The following E2F2 variants were observed in gnomAD, a reference collection of about 807,000 sequenced individuals.
E2F2 encodes transcription factor E2F2.
In E2F2, 22 loss-of-function variants were observed where a neutral mutation model predicts 42.2. The observed-to-expected ratio is 0.52, with a 90% CI of 0.37 to 0.74. The LOEUF is 0.74. Ranked by LOEUF, E2F2 falls within the 30% of genes least tolerant of loss-of-function variation. The pLI, the probability that E2F2 is intolerant of heterozygous loss-of-function variation, is 0.00. For missense variants in E2F2, 481 were observed against 557.8 expected (o/e 0.86, Z 1.39); for synonymous variants, 248 against 251.6 (o/e 0.99, Z 0.13).
chr1:23,512,637 A>C (rs1350056745), intron 6 of E2F2, among the ~76,000 whole-genome samples: 5 of 152,082 alleles, frequency 3.3e-5, no homozygotes, highest in Non-Finnish European at 7.4e-5. Context: ...TAACTGATAA[A>C]ACACATGTGA....
At chr1:23,526,490 G>C (rs993495893) in intron 1 of E2F2, among the ~76,000 whole-genome samples, 2 of 152,100 alleles carry the variant, frequency 1.3e-5, no homozygotes, top group African/African-American at 2.4e-5. Context: ...CTGAGGCAGA[G>C]GTGGGGCAGC....
rs1249247125 is a variant in E2F2 at position 23,521,944 on chromosome 1, C to T, written c.471G>A (p.Trp157Ter). 6.2e-7 allele frequency: 1 copy of T among 1,614,170 alleles called. No homozygotes were observed. The highest frequency in any genetic ancestry group is 8.5e-7 in the Non-Finnish European group (1 of 1,180,026). Residue 157 changes from tryptophan to a stop codon, truncating the protein, a stop_gained, in exon 3 of 7, where the codon TGG becomes TGA. Transcript: ENST00000361729. LOFTEE classifies it high-confidence loss of function. ...TCTGCACGTCCAGCACCTCAGCGGC[C>T]CAGTTCAGGTCCAGGACCCCATCCT... ...ESEDGVLDLN[W>*]AAEVLDVQKR...
In E2F2 at chr1:23,524,349, A is replaced by G. The variant is rs758069924; in HGVS notation, c.358+34T>C. ...GGGCACTGCCCTCTGCCCCTGCCCC[A>G]CCCCACCCCAGAGGCCCCATCAGCA... is the stretch of plus-strand genomic sequence containing the variant. On this transcript the variant is annotated intron_variant, in intron 2 of 6. Coordinates refer to ENST00000361729, the MANE Select transcript of E2F2 (RefSeq NM_004091.4). The G allele has an allele frequency of 1.3e-5, 14 of 1,098,364 alleles. No individual in the cohort carries two copies. The African/African-American group carries it at 2.1e-4, about 17-fold the overall frequency. The allele number at this position is 1,098,364 out of a possible 1,614,324, so 68.0% of individuals were successfully genotyped here.
intron 6 of E2F2, among the ~76,000 whole-genome samples, chr1:23,513,852 G>A (rs971138620): frequency 2.0e-5 from 3 of 151,876 alleles, no homozygotes; most frequent in African/African-American, 4.8e-5. Context: ...GGCTGGGCTC[G>A]GTGGCTCACA....
intron 5 of E2F2, among the ~76,000 whole-genome samples, chr1:23,517,402 T>C (rs1438762637): frequency 6.6e-6 from 1 of 152,186 alleles, no homozygotes; most frequent in African/African-American, 2.4e-5. Flanking sequence ...CTAGTTTAAC[T>C]GTCCCCACCT....
Position 23,506,505 on chromosome 1 carries a change from G to A in E2F2, c.*3375C>T, listed in dbSNP as rs1209033145. ...GCTTACATGGTGCTCATAAAGACAC[G>A]ACCAGGCGAAACCAGGCCGGCAGGA... On this transcript the variant is annotated 3_prime_UTR_variant, in exon 7 of 7. Coordinates refer to ENST00000361729, the MANE Select transcript of E2F2 (RefSeq NM_004091.4). 1 of 152,146 alleles carries A rather than the reference G, an allele frequency of 6.6e-6. No homozygotes were observed. The highest frequency in any genetic ancestry group is 2.4e-5 in the African/African-American group (1 of 41,416). The allele number at this position is 152,146 out of a possible 1,614,324, so 9.4% of individuals were successfully genotyped here.
rs1028961111 is a variant in E2F2 at position 23,530,847 on chromosome 1, C to G, written c.-54G>C. 7 of 1,425,942 alleles carry G rather than the reference C, an allele frequency of 4.9e-6. No individual in the cohort carries two copies. Among genetic ancestry groups the G allele is most frequent in the Non-Finnish European group, 5.5e-6 (6 of 1,091,296 alleles). The allele number at this position is 1,425,942 out of a possible 1,614,324, so 88.3% of individuals were successfully genotyped here. A position where few individuals can be genotyped will look rare whatever the true frequency, so the allele number is the denominator to read the frequency against. On this transcript the variant is annotated 5_prime_UTR_variant, in exon 1 of 7. Transcript: ENST00000361729. This position sits in a 1 kb window ranked among gnomAD's most constrained non-coding sequence, Gnocchi z 4.4. Reference sequence around the variant, plus strand: ...GGCTTGGCGCGCCCGCGGACACCTGCGGGTTCCGGTGCTGCCGCCTTTCAC... The same window carrying G: ...GGCTTGGCGCGCCCGCGGACACCTGGGGGTTCCGGTGCTGCCGCCTTTCAC...
intron 1 of E2F2, among the ~76,000 whole-genome samples, chr1:23,529,644 G>T (rs146651796): frequency 6.6e-6 from 1 of 152,174 alleles, no homozygotes; most frequent in South Asian, 2.1e-4. Context: ...GTGCACACAC[G>T]CATTGTGAAG....
intron 1 of E2F2, among the ~76,000 whole-genome samples, chr1:23,529,669 G>A (rs911515562): frequency 2.0e-5 from 3 of 152,198 alleles, no homozygotes; most frequent in Non-Finnish European, 2.9e-5. Context: ...GAACACTGAA[G>A]CCCAGACTGG....
intron 5 of E2F2, 68 bp from the exon 6 acceptor site, chr1:23,516,595 C>G: frequency 7.5e-7 from 1 of 1,325,894 alleles, no homozygotes; most frequent in Non-Finnish European, 1.0e-6. Context: ...TGTGTATGGA[C>G]AGACGCACGT....
chr1:23,515,909 C>T (rs1480401254), intron 6 of E2F2, among the ~76,000 whole-genome samples: 27 of 152,090 alleles, frequency 1.8e-4, no homozygotes, highest in Admixed American at 1.8e-3. Flanking sequence ...CCTATGTTGC[C>T]CGGGCTGCTC....
At position 23,507,951 on chromosome 1, in the gene E2F2, G is replaced by C. The variant is rs1642833308; in HGVS notation, c.*1929C>G. The stretch of plus-strand genomic sequence containing the variant: ...CTTCAGAGATGGCACATGGCTAAAT[G>C]GCAGCCCAGTGGAGACCTCAGAGCA... On this transcript the variant is annotated 3_prime_UTR_variant, in exon 7 of 7. Coordinates refer to ENST00000361729, the MANE Select transcript of E2F2 (RefSeq NM_004091.4). The C allele has an allele frequency of 6.6e-6, 1 of 152,262 alleles. No homozygotes were observed. The highest frequency in any genetic ancestry group is 2.4e-5 in the African/African-American group (1 of 41,462). The allele number at this position is 152,262 out of a possible 1,614,324, so 9.4% of individuals were successfully genotyped here.
downstream of E2F2, among the ~76,000 whole-genome samples, chr1:23,506,040 C>T (rs1642789200): frequency 6.6e-6 from 1 of 152,130 alleles, no homozygotes; most frequent in African/African-American, 2.4e-5. Flanking sequence ...TCAAGTGATC[C>T]ACCGCACCCA....
At chr1:23,519,275 A>T (rs536762510) in intron 4 of E2F2, 145 bp from the exon 5 acceptor site, 1 of 526,496 alleles carries the variant, frequency 1.9e-6, no homozygotes, top group Admixed American at 3.6e-5. Flanking sequence ...ACAATCTGTA[A>T]CCTGTTAATC....
intron 6 of E2F2, among the ~76,000 whole-genome samples, chr1:23,515,225 G>A (rs532203131): frequency 6.6e-6 from 1 of 152,378 alleles, no homozygotes; most frequent in East Asian, 1.9e-4. Flanking sequence ...CCAGGAAAAG[G>A]CAAAAACTGT....
rs899374347 is a variant in E2F2 at position 23,519,061 on chromosome 1, G to T, written c.807C>A (p.Val269=). ...GNFKEQTVIA[V]KAPPQTRLEV... ...CCAGTCTCGTCTGCGGAGGGGCCTTGACGGCAATCACTGTCTGCTCCTTAA... is the reference window on the plus strand; with the variant it reads ...CCAGTCTCGTCTGCGGAGGGGCCTTTACGGCAATCACTGTCTGCTCCTTAA... The change falls in exon 5 of 7, where the codon GTC becomes GTA. Residue 269 remains valine (V), a synonymous_variant. Transcript: ENST00000361729. 3 of 1,613,872 alleles carry T rather than the reference G, an allele frequency of 1.9e-6. No homozygotes were observed. The African/African-American group carries it at 4.0e-5, about 22-fold the overall frequency.
chr1:23,521,250 ACAAGT>A (rs1643139813), intron 3 of E2F2, among the ~76,000 whole-genome samples, 179 bp from the exon 4 acceptor site: 1 of 152,088 alleles, frequency 6.6e-6, no homozygotes, highest in Non-Finnish European at 1.5e-5. Context: ...GGGAGAAAAA[ACAAGT>A]CAAGACCTGA....
chr1:23,524,274 G>A lies in E2F2; in HGVS notation c.358+109C>T. On this transcript the variant is annotated intron_variant, in intron 2 of 6. Coordinates refer to ENST00000361729, the MANE Select transcript of E2F2 (RefSeq NM_004091.4). ...GATCAAATAATAAAATACGCAGGAA[G>A]CTTTTGTAAACTGGAAAGTGATCCA... 8.1e-6 allele frequency: 7 copies of A among 860,978 alleles called. No individual in the cohort carries two copies. The South Asian group carries it at 1.4e-4, about 18-fold the overall frequency. The allele number at this position is 860,978 out of a possible 1,614,324, so 53.3% of individuals were successfully genotyped here.
In E2F2 at chr1:23,520,899, A is replaced by G. The variant is rs763465361; in HGVS notation, c.737+14T>C. 3 of 1,555,028 alleles carry G rather than the reference A, an allele frequency of 1.9e-6. No individual in the cohort carries two copies. Among genetic ancestry groups the G allele is most frequent in the Non-Finnish European group, 2.6e-6 (3 of 1,149,294 alleles). On this transcript the variant is annotated intron_variant, in intron 4 of 6. Coordinates refer to ENST00000361729, the MANE Select transcript of E2F2 (RefSeq NM_004091.4). ...TCCTGCTCCCTGACACCTTCCCCCA[A>G]CCAAGGAGGATATCTCTTGTTGGCC...
Sources: gnomAD v4.1 joint callset for allele counts (sites outside exome capture counted in the v4.1 genomes callset) on GRCh38, gnomAD v4.1.1 for gene constraint, Gnocchi (gnomAD v3.1) non-coding constraint, MANE v1.5 for transcripts, NCBI Gene and HGNC (gene_info 2026-07-23, HGNC 2026-07-21) for gene names.